STX8: variants seen among roughly 807,000 people sequenced by gnomAD.
STX8 encodes the protein syntaxin-8.
Under a neutral mutation model 37.5 loss-of-function variants are expected in STX8, and 23 were observed. That is an observed-to-expected ratio of 0.61 (90% CI 0.44 to 0.87). STX8 has a LOEUF of 0.87. STX8 is among the 40% of genes least tolerant of loss of function. The probability of loss-of-function intolerance (pLI) is 0.00; values close to 1 mark genes in which losing one functional copy is unlikely to be tolerated. For missense variants in STX8, 313 were observed against 284.7 expected, an observed-to-expected ratio of 1.10 and a Z score of -0.71; for synonymous variants, 115 against 99.1, an observed-to-expected ratio of 1.16 and a Z score of -0.95.
chr17:9,476,104 G>A (rs1254769646), intron 6 of STX8, among the ~76,000 whole-genome samples: 3 of 152,232 alleles, frequency 2.0e-5, no homozygotes, highest in East Asian at 1.9e-4. Context: ...GTTTGAAGCC[G>A]GGGGGCGGAG....
intron 6 of STX8, among the ~76,000 whole-genome samples, chr17:9,482,128 A>G (rs767175538): frequency 1.1e-4 from 16 of 152,186 alleles, no homozygotes; most frequent in East Asian, 7.7e-4. Flanking sequence ...ACCATGATCG[A>G]GCCTGTGAAT....
chr17:9,307,119 CT>C (rs1909024348), intron 7 of STX8, among the ~76,000 whole-genome samples: 1 of 152,044 alleles, frequency 6.6e-6, no homozygotes, highest in South Asian at 2.1e-4. Context: ...AAGACTCCGT[CT>C]CAAAAAATAA....
At position 9,531,264 on chromosome 17, in the gene STX8, T is replaced by C. The variant is rs542139782; in HGVS notation, c.323+13908A>G. Among the ~76,000 whole-genome samples, 5 of 47,022 alleles carry C rather than the reference T, an allele frequency of 1.1e-4. No individual in the cohort carries two copies. In the East Asian group the frequency reaches 2.3e-3, roughly 22 times the overall value. The allele number at this position is 47,022 out of a possible 152,430, so 30.8% of individuals were successfully genotyped here. On this transcript the variant is annotated intron_variant, in intron 4 of 7. Transcript: ENST00000306357. ...TCTCAGCTTTTCTTATCTCTTTGCA[T>C]TAACCATATAAACAGTGGCTGTAAT...
intron 7 of STX8, among the ~76,000 whole-genome samples, chr17:9,315,591 T>C (rs1909356553): frequency 6.6e-6 from 1 of 152,222 alleles, no homozygotes; most frequent in South Asian, 2.1e-4. Context: ...TCCTATAACA[T>C]GTTGACTATG....
rs373547081 is a variant in STX8, at chr17:9,262,292, A to G, written c.644-11647T>C. Among the ~76,000 whole-genome samples the G allele has an allele frequency of 9.7e-4, 148 of 152,288 alleles. 1 individual carries two copies. Among genetic ancestry groups the G allele is most frequent in the African/African-American group, 3.4e-3 (140 of 41,560 alleles). ...TCAACTTAACCCTGCCTCCATACGC[A>G]CAGCTGATGCAACAGACCTCAAGTG... On this transcript the variant is annotated intron_variant, in intron 7 of 7. Coordinates refer to ENST00000306357, the MANE Select transcript of STX8 (RefSeq NM_004853.3).
intron 6 of STX8, among the ~76,000 whole-genome samples, chr17:9,489,032 A>G (rs1230405975): frequency 6.6e-6 from 1 of 152,026 alleles, no homozygotes; most frequent in Non-Finnish European, 1.5e-5. Context: ...GCCTGCCACC[A>G]CGCCCGGCTA....
intron 7 of STX8, among the ~76,000 whole-genome samples, chr17:9,311,319 T>C (rs1339042486): frequency 1.3e-5 from 2 of 151,556 alleles, no homozygotes; most frequent in East Asian, 1.9e-4. Flanking sequence ...GCCTGAAATA[T>C]GTATCTGCAA....
At chr17:9,489,792 G>A (rs1347084272) in intron 6 of STX8, among the ~76,000 whole-genome samples, 4 of 146,646 alleles carry the variant, frequency 2.7e-5, no homozygotes, top group Non-Finnish European at 6.0e-5. Context: ...AGGTTGAAGC[G>A]ATTCTCCTGC....
chr17:9,440,784 C>G (rs147820372), intron 6 of STX8, among the ~76,000 whole-genome samples: 1 of 152,138 alleles, frequency 6.6e-6, no homozygotes, highest in Non-Finnish European at 1.5e-5. Context: ...CTCGGCCTCC[C>G]AAAGTGCTGG....
At chr17:9,259,183 A>G (rs1720255447) in intron 7 of STX8, among the ~76,000 whole-genome samples, 1 of 152,208 alleles carries the variant, frequency 6.6e-6, no homozygotes, top group South Asian at 2.1e-4. Flanking sequence ...CAGTTCTACC[A>G]TCTCTGAAAC....
chr17:9,362,921 T>C (rs1911114631), intron 7 of STX8, among the ~76,000 whole-genome samples: 1 of 152,010 alleles, frequency 6.6e-6, no homozygotes, highest in South Asian at 2.1e-4. Context: ...AAAAAAAAAT[T>C]CAAATAATAA....
chr17:9,322,852 C>T (rs1567782999), intron 7 of STX8, among the ~76,000 whole-genome samples: 2 of 146,220 alleles, frequency 1.4e-5, no homozygotes, highest in Non-Finnish European at 3.0e-5. Flanking sequence ...AGGCAAAACC[C>T]TCATTTGAAG....
At chr17:9,399,236 A>G (rs1236529641) in intron 6 of STX8, among the ~76,000 whole-genome samples, 2 of 152,138 alleles carry the variant, frequency 1.3e-5, no homozygotes, top group African/African-American at 4.8e-5. Flanking sequence ...CATTTCTTCC[A>G]TTCTCACAGC....
chr17:9,408,151 A>T (rs1282811544), intron 6 of STX8, among the ~76,000 whole-genome samples: 1 of 152,226 alleles, frequency 6.6e-6, no homozygotes, highest in Non-Finnish European at 1.5e-5. Flanking sequence ...TTTATGGGGC[A>T]TGACTCCCCA....
intron 3 of STX8, among the ~76,000 whole-genome samples, chr17:9,546,626 C>A (rs1376228626): frequency 1.5e-5 from 1 of 64,742 alleles, no homozygotes; most frequent in African/African-American, 6.5e-5. Flanking sequence ...GGAGACGGAG[C>A]CTTGTTCTGT....
chr17:9,492,669 T>G (rs936761212), intron 5 of STX8, among the ~76,000 whole-genome samples: 3 of 152,190 alleles, frequency 2.0e-5, no homozygotes, highest in Non-Finnish European at 2.9e-5. Flanking sequence ...ATGAACCAGC[T>G]GGGCACAGTG....
At chr17:9,401,482 T>G (rs956472778) in intron 6 of STX8, among the ~76,000 whole-genome samples, 3 of 152,236 alleles carry the variant, frequency 2.0e-5, no homozygotes, top group African/African-American at 7.2e-5. Context: ...GAATATTTTA[T>G]AGATGTCAAA....
intron 5 of STX8, among the ~76,000 whole-genome samples, chr17:9,492,523 T>C (rs959672759): frequency 1.7e-4 from 26 of 152,196 alleles, no homozygotes; most frequent in African/African-American, 6.0e-4. Context: ...AGTCTAGGAA[T>C]GTATGTAAGA....
At chr17:9,408,213 C>G (rs1912862185) in intron 6 of STX8, among the ~76,000 whole-genome samples, 1 of 152,156 alleles carries the variant, frequency 6.6e-6, no homozygotes, top group African/African-American at 2.4e-5. Context: ...GTTTAGTTCT[C>G]AAATGTCTGG....
Sources: allele counts gnomAD v4.1 joint callset (sites outside exome capture counted in the v4.1 genomes callset), GRCh38; gene constraint gnomAD v4.1.1; transcripts MANE v1.5; gene names NCBI Gene and HGNC (gene_info 2026-07-23, HGNC 2026-07-21).